The following HEATR5B variants were observed in gnomAD, a reference collection of about 807,000 sequenced individuals.
HEATR5B encodes HEAT repeat-containing protein 5B.
In HEATR5B, 156 loss-of-function variants were observed where a neutral mutation model predicts 224.1. That is an observed-to-expected ratio of 0.70 (90% confidence interval 0.61 to 0.80). The LOEUF is 0.80. Among genes scored for constraint, HEATR5B ranks in the 30% least tolerant of loss-of-function variants. The pLI, the probability that HEATR5B is intolerant of heterozygous loss-of-function variation, is 0.00. For missense variants in HEATR5B, 2,323 were observed against 2,535.5 expected (o/e 0.92, Z 1.80); for synonymous variants, 1,027 against 893.0 (o/e 1.15, Z -2.68).
chr2:37,022,199 T>C lies in HEATR5B; in HGVS notation c.3854-1363A>G, dbSNP rs1296594465. ...CTTTTTATCATTTTTTTTTTTGAGA[T>C]GGAGTATTGCTCTGTTGCCCAGGCT... On this transcript the variant is annotated intron_variant, in intron 24 of 35. Transcript: ENST00000233099. Among the ~76,000 whole-genome samples, 3 of 151,678 alleles carry C rather than the reference T, an allele frequency of 2.0e-5. No homozygotes were observed. In the East Asian group the frequency reaches 5.8e-4, roughly 29 times the overall value.
Position 37,083,443 on chromosome 2 carries a change from T to C in HEATR5B, c.-22-7A>G, listed in dbSNP as rs970056811. On this transcript the variant is annotated splice_region_variant and splice_polypyrimidine_tract_variant and intron_variant, in intron 1 of 35. Coordinates refer to ENST00000233099, the MANE Select transcript of HEATR5B (RefSeq NM_019024.3). ...GGAAGTTTGAAATTCACACCTTAAA[T>C]TTAACAGAGTAAAAAATACTTGTAA... The C allele has an allele frequency of 5.7e-6, 9 of 1,585,704 alleles. No homozygotes were observed. In the South Asian group the frequency reaches 6.7e-5, roughly 12 times the overall value.
intron 33 of HEATR5B, among the ~76,000 whole-genome samples, chr2:36,996,601 A>T (rs7558579): frequency 0.34 from 51,267 of 151,018 alleles, 8,933 homozygotes; most frequent in East Asian, 0.49. Flanking sequence ...ATATATATAT[A>T]TTTTTTTGAG....
At chr2:37,061,369 T>A (rs1259505415) in intron 11 of HEATR5B, among the ~76,000 whole-genome samples, 1 of 152,218 alleles carries the variant, frequency 6.6e-6, no homozygotes. Context: ...AACAGATAGA[T>A]GCTTAGATCT....
At chr2:37,058,397 G>C (rs930915441) in intron 14 of HEATR5B, 54 bp downstream of exon 14, 1 of 986,198 alleles carries the variant, frequency 1.0e-6, no homozygotes, top group Non-Finnish European at 1.6e-6. Flanking sequence ...TCTATAATAC[G>C]GTGAAGAATT....
intron 30 of HEATR5B, among the ~76,000 whole-genome samples, chr2:37,005,153 G>A (rs1039845809): frequency 6.6e-6 from 1 of 152,178 alleles, no homozygotes; most frequent in African/African-American, 2.4e-5. Flanking sequence ...ATCGGCCATA[G>A]TAAATGGCTA....
intron 17 of HEATR5B, among the ~76,000 whole-genome samples, chr2:37,051,640 C>T (rs1670557940): frequency 6.6e-6 from 1 of 152,192 alleles, no homozygotes; most frequent in African/African-American, 2.4e-5. Context: ...GACCACCCCA[C>T]TCCTTTTCTA....
intron 18 of HEATR5B, among the ~76,000 whole-genome samples, chr2:37,046,034 T>C (rs1334221555): frequency 6.6e-6 from 1 of 152,238 alleles, no homozygotes; most frequent in African/African-American, 2.4e-5. Flanking sequence ...TAAGATTTCA[T>C]CATTTTGTTC....
rs1666125155 is a variant in HEATR5B at position 36,988,832 on chromosome 2, G to C, written c.5725C>G (p.Leu1909Val). Reference protein sequence around the residue: ...WVQAKCYQLLLSVFQHSNRAL... With the variant: ...WVQAKCYQLLVSVFQHSNRAL... The stretch of plus-strand genomic sequence containing the variant: ...CGATTGGAATGCTGGAAGACTGAGA[G>C]GAGAAGCTGGTAACATTTGGCTTGA... The change falls in exon 35 of 36, where the codon CTC becomes GTC. Residue 1909 changes from leucine (L) to valine (V), a missense_variant. Physicochemically the swap from Leu to Val is conservative, Grantham distance 32 (BLOSUM62 1). Around this residue, in one of 12 missense-constraint regions of HEATR5B, gnomAD observed 844 missense variants for 812.9 expected, o/e 1.04. Coordinates refer to ENST00000233099, the MANE Select transcript of HEATR5B (RefSeq NM_019024.3). 6.2e-7 allele frequency: 1 copy of C among 1,613,996 alleles called. No individual in the cohort carries two copies. Among genetic ancestry groups the C allele is most frequent in the Admixed American group, 1.7e-5 (1 of 60,004 alleles).
rs760423247 is a variant in HEATR5B at position 36,990,736 on chromosome 2, G to A, written c.5609C>T (p.Ser1870Phe). Residue 1870 changes from serine to phenylalanine, a missense_variant, in exon 34 of 36, where the codon TCT becomes TTT. This residue lies in a region of HEATR5B where 844 missense variants were observed against 812.9 expected (regional missense o/e 1.04). Transcript: ENST00000233099. ...GACTCCTATTATTTCATTACTAGCA[G>A]ACCACAGGAAGAGTGCAATTGCTGT... ...MLTAIALFLW[S>F]ASNEIIGVQS... The A allele has an allele frequency of 1.9e-6, 3 of 1,611,988 alleles. No individual in the cohort carries two copies. The highest frequency in any genetic ancestry group is 2.5e-6 in the Non-Finnish European group (3 of 1,178,678).
At chr2:37,067,441 G>A (rs562018306) in intron 8 of HEATR5B, among the ~76,000 whole-genome samples, 2 of 152,194 alleles carry the variant, frequency 1.3e-5, no homozygotes, top group East Asian at 1.9e-4. Context: ...TTTAATTCAC[G>A]ATTCATAATT....
intron 33 of HEATR5B, among the ~76,000 whole-genome samples, chr2:36,995,327 G>C (rs973171047): frequency 7.9e-5 from 12 of 151,832 alleles, no homozygotes; most frequent in African/African-American, 2.4e-4. Context: ...CTGACCTCGT[G>C]ATCTGCCCAC....
At chr2:37,023,957 G>A (rs1668615541) in intron 24 of HEATR5B, among the ~76,000 whole-genome samples, 3 of 152,080 alleles carry the variant, frequency 2.0e-5, no homozygotes, top group Non-Finnish European at 4.4e-5. Context: ...AGAGATATCT[G>A]CACTCTCATG....
At chr2:36,986,713 G>T (rs1189327536) in intron 35 of HEATR5B, among the ~76,000 whole-genome samples, 1 of 152,096 alleles carries the variant, frequency 6.6e-6, no homozygotes, top group East Asian at 1.9e-4. Context: ...CGCCTCCCGG[G>T]TTCAAGCAAT....
In HEATR5B at chr2:37,075,585, C is replaced by G; in HGVS notation, c.497G>C (p.Gly166Ala). The G allele has an allele frequency of 1.2e-6, 2 of 1,613,590 alleles. No individual in the cohort carries two copies. The highest frequency in any genetic ancestry group is 1.7e-6 in the Non-Finnish European group (2 of 1,179,562). Residue 166 changes from glycine (G) to alanine (A), a missense_variant, in exon 5 of 36, where the codon GGA (glycine) becomes GCA (alanine). Gly to Ala is a moderately conservative substitution (Grantham distance 60). Transcript: ENST00000233099. ...GGAGGAAGCTGCTGCACCACCCAGTCCACTTAGAACTTTCTGTAGACTCAT... is the reference window on the plus strand; with the variant it reads ...GGAGGAAGCTGCTGCACCACCCAGTGCACTTAGAACTTTCTGTAGACTCAT... ...ILMSLQKVLS[G>A]LGGAAASSHR...
At chr2:37,062,400 A>G (rs1306747148) in intron 10 of HEATR5B, among the ~76,000 whole-genome samples, 1 of 152,234 alleles carries the variant, frequency 6.6e-6, no homozygotes, top group Admixed American at 6.5e-5. Context: ...ACTGCACTCC[A>G]GCCTGGGTGA....
At position 37,058,465 on chromosome 2, in the gene HEATR5B, G is replaced by A. The variant is rs927675606; in HGVS notation, c.2045C>T (p.Pro682Leu). ...RLYDILALLPPKTYEGSFNAL... is the reference protein window; with the variant it reads ...RLYDILALLPLKTYEGSFNAL... ...TTTTAATTTACCTTCATAAGTTTTT[G>A]GAGGTAACAAAGCCAAGATATCATA... The change falls in exon 14 of 36, where the codon CCA (proline) becomes CTA (leucine). Residue 682 changes from proline (P) to leucine (L), a missense_variant. Around this residue, in one of 12 missense-constraint regions of HEATR5B, gnomAD observed 502 missense variants for 517.8 expected, o/e 0.97. Coordinates refer to ENST00000233099, the MANE Select transcript of HEATR5B (RefSeq NM_019024.3). The A allele has an allele frequency of 6.2e-7, 1 of 1,604,078 alleles. No individual in the cohort carries two copies. The highest frequency in any genetic ancestry group is 1.3e-5 in the African/African-American group (1 of 74,634).
At position 37,076,942 on chromosome 2, in the gene HEATR5B, T is replaced by G. The variant is rs1403009749; in HGVS notation, c.416A>C (p.Asn139Thr). ...ACTTTTCAGAGATTTCAATAGATTA[T>G]TTACCGTTTCTGGAAATGCGCTGCC... ...MLGSAFPETV[N>T]NLLKSLKSAE... The change falls in exon 4 of 36, where the codon AAT becomes ACT. Residue 139 changes from asparagine (N) to threonine (T), a missense_variant. By Grantham distance (65) the Asn-to-Thr change is moderately conservative (BLOSUM62 0). This residue lies in a region of HEATR5B where 292 missense variants were observed against 332.6 expected (regional missense o/e 0.88). Coordinates refer to ENST00000233099, the MANE Select transcript of HEATR5B (RefSeq NM_019024.3). The G allele has an allele frequency of 6.2e-7, 1 of 1,613,872 alleles. No homozygotes were observed. Among genetic ancestry groups the G allele is most frequent in the African/African-American group, 1.3e-5 (1 of 74,918 alleles).
intron 33 of HEATR5B, among the ~76,000 whole-genome samples, chr2:36,991,228 T>A (rs892766188): frequency 6.6e-6 from 1 of 152,156 alleles, no homozygotes; most frequent in Non-Finnish European, 1.5e-5. Flanking sequence ...AAATTCCATA[T>A]AACCATTAAA....
chr2:37,002,567 CT>C lies in HEATR5B; in HGVS notation c.5055del (p.Asp1686MetfsTer34). ...YLQEKRNTLNEDDMEKEACTV... is the reference protein window; with the variant it reads ...YLQEKRNTLNXDDMEKEACTV... ...GTACAGGCCTCTTTTTCCATATCAT[CT>C]TCATCTGAGGTAAAAGATAATTTGG... On this transcript the variant is annotated frameshift_variant, in exon 32 of 36. Coordinates refer to ENST00000233099, the MANE Select transcript of HEATR5B (RefSeq NM_019024.3). LOFTEE classifies it high-confidence loss of function. The C allele has an allele frequency of 6.2e-7, 1 of 1,612,572 alleles. No individual in the cohort carries two copies. The highest frequency in any genetic ancestry group is 8.5e-7 in the Non-Finnish European group (1 of 1,179,002).
Sources: gnomAD v4.1 joint callset for allele counts (sites outside exome capture counted in the v4.1 genomes callset) on GRCh38, gnomAD v4.1.1 for gene constraint, gnomAD v4.1.1 regional missense constraint, MANE v1.5 for transcripts, NCBI Gene and HGNC (gene_info 2026-07-23, HGNC 2026-07-21) for gene names.